ZNF333: variants seen among roughly 807,000 people sequenced by gnomAD.
The protein encoded by ZNF333 is zinc finger protein 333.
In ZNF333, 61 loss-of-function variants were observed where a neutral mutation model predicts 76.1. That is an observed-to-expected ratio of 0.80 (90% CI 0.65 to 0.99). ZNF333 has a LOEUF of 0.99. Among genes scored for constraint, ZNF333 ranks in the 50% least tolerant of loss-of-function variants. The pLI, the probability that ZNF333 is intolerant of heterozygous loss-of-function variation, is 0.00. For synonymous variants in ZNF333, 284 were observed against 305.0 expected (o/e 0.93, Z 0.72); for missense variants, 717 against 822.4 (o/e 0.87, Z 1.57).
At chr19:14,716,531 T>C (rs2042435924) in intron 9 of ZNF333, among the ~76,000 whole-genome samples, 1 of 152,188 alleles carries the variant, frequency 6.6e-6, no homozygotes, top group African/African-American at 2.4e-5. Flanking sequence ...TGTGCTGGGA[T>C]TGCAGACATG....
Position 14,720,226 on chromosome 19 carries a change from C to T in ZNF333, c.*901C>T. On this transcript the variant is annotated 3_prime_UTR_variant, in exon 12 of 12. Transcript: ENST00000292530. The stretch of plus-strand genomic sequence containing the variant: ...AAAAAAAAGCTTCCATCTCCCAGCC[C>T]TTCTTGCAAGCAAGGGCAGGCCATT... 1 of 985,316 alleles carries T rather than the reference C, an allele frequency of 1.0e-6. No homozygotes were observed. The highest frequency in any genetic ancestry group is 1.2e-6 in the Non-Finnish European group (1 of 829,904). The allele number at this position is 985,316 out of a possible 1,614,324, so 61.0% of individuals were successfully genotyped here.
chr19:14,711,264 AG>A (rs995289032), intron 7 of ZNF333, among the ~76,000 whole-genome samples: 3 of 152,154 alleles, frequency 2.0e-5, no homozygotes, highest in Admixed American at 1.3e-4. Context: ...CTTACCAGTT[AG>A]GGGGGCGGGA....
rs866787364 is a variant in ZNF333, at chr19:14,715,450, C to T, written c.580C>T (p.Leu194=). ...GGAGGAAGAAGCTATGGCTCCTGGG[C>T]TGCCAACCGCCTGTTCACAGGTAGG... ...KVEEEAMAPG[L]PTACSQEPVT... is the part of the protein sequence containing the mutation. The change falls in exon 8 of 12, where the codon CTG becomes TTG. Residue 194 remains leucine (L), a synonymous_variant. Coordinates refer to ENST00000292530, the MANE Select transcript of ZNF333 (RefSeq NM_032433.4). The T allele has an allele frequency of 6.2e-7, 1 of 1,613,868 alleles. No individual in the cohort carries two copies. Among genetic ancestry groups the T allele is most frequent in the Admixed American group, 1.7e-5 (1 of 59,986 alleles).
intron 5 of ZNF333, among the ~76,000 whole-genome samples, chr19:14,700,710 G>A (rs1159339968): frequency 6.6e-6 from 1 of 152,150 alleles, no homozygotes; most frequent in Non-Finnish European, 1.5e-5. Flanking sequence ...GTTAGAGTTA[G>A]GGTTTGGTTA....
chr19:14,699,185 C>T lies in ZNF333; in HGVS notation c.224-14C>T, dbSNP rs752702715. The T allele has an allele frequency of 1.2e-6, 2 of 1,608,414 alleles. No homozygotes were observed. Among genetic ancestry groups the T allele is most frequent in the Non-Finnish European group, 1.7e-6 (2 of 1,175,922 alleles). On this transcript the variant is annotated splice_polypyrimidine_tract_variant and intron_variant, in intron 4 of 11. Transcript: ENST00000292530. ...TTTCTGAAAGGAGTTCATTTTTTCT[C>T]CCATTCATTTCAGCCTGGGAATCTC...
chr19:14,696,431 G>A (rs1176070137), intron 4 of ZNF333, among the ~76,000 whole-genome samples: 2 of 152,108 alleles, frequency 1.3e-5, no homozygotes, highest in African/African-American at 2.4e-5. Flanking sequence ...TATGGAAATC[G>A]TATCATAAGT....
Position 14,706,724 on chromosome 19 carries a change from ACCAGT to A in ZNF333, c.463_467del (p.Pro155AlafsTer20). The stretch of plus-strand genomic sequence containing the variant: ...CTATGCAGATTCAGAGGGTGGTGAT[ACCAGT>A]GCCTACTCTGGGCCACCGCAACCCA... On this transcript the variant is annotated frameshift_variant, in exon 7 of 12. Coordinates refer to ENST00000292530, the MANE Select transcript of ZNF333 (RefSeq NM_032433.4). LOFTEE classifies it high-confidence loss of function. 1 of 1,613,986 alleles carries A rather than the reference ACCAGT, an allele frequency of 6.2e-7. No homozygotes were observed. The highest frequency in any genetic ancestry group is 8.5e-7 in the Non-Finnish European group (1 of 1,179,974).
intron 2 of ZNF333, among the ~76,000 whole-genome samples, chr19:14,694,650 T>G (rs752894741): frequency 1.1e-4 from 17 of 152,186 alleles, no homozygotes; most frequent in Non-Finnish European, 1.8e-4. Flanking sequence ...AAAAACTCTC[T>G]AAGCAGGGAG....
chr19:14,731,470 A>G, exon 12 of ZNF333: 1 of 461,822 alleles, frequency 2.2e-6, no homozygotes, highest in Non-Finnish European at 3.9e-6. Context: ...CAGCCGTGCA[A>G]TGACTGTTAG....
At chr19:14,705,843 A>G (rs577231513) in intron 6 of ZNF333, among the ~76,000 whole-genome samples, 1 of 152,292 alleles carries the variant, frequency 6.6e-6, no homozygotes, top group African/African-American at 2.4e-5. Context: ...GAACAGTTTC[A>G]TGCTAAAACC....
At chr19:14,701,756 T>A (rs1599708721) in intron 5 of ZNF333, 1 of 985,400 alleles carries the variant, frequency 1.0e-6, no homozygotes, top group African/African-American at 1.7e-5. Context: ...GTGGCAGGCA[T>A]GGGGCTCTTG....
chr19:14,706,757 G>A lies in ZNF333; in HGVS notation c.495G>A (p.Trp165Ter), dbSNP rs781244379. 6.2e-7 allele frequency: 1 copy of A among 1,613,652 alleles called. No individual in the cohort carries two copies. Among genetic ancestry groups the A allele is most frequent in the South Asian group, 1.1e-5 (1 of 91,020 alleles). Residue 165 changes from tryptophan to a stop codon, truncating the protein, a stop_gained, in exon 7 of 12, where the codon TGG becomes TGA. Coordinates refer to ENST00000292530, the MANE Select transcript of ZNF333 (RefSeq NM_032433.4). LOFTEE classifies it high-confidence loss of function. ...CTACTCTGGGCCACCGCAACCCATG[G>A]GTGGCCAGGGATTCTGGTGAGTGAG... ...PVPTLGHRNP[W>*]VARDSAVPAR...
At chr19:14,711,410 C>T (rs183111793) in intron 7 of ZNF333, among the ~76,000 whole-genome samples, 28 of 152,260 alleles carry the variant, frequency 1.8e-4, no homozygotes, top group African/African-American at 6.7e-4. Flanking sequence ...ATTTAAAACA[C>T]ATAGAGGCCA....
chr19:14,718,424 A>G lies in ZNF333; in HGVS notation c.1097A>G (p.Tyr366Cys), dbSNP rs376718643. ...PEKIRSGDKS[Y>C]ACNKCEKSFR... ...AAAATCCGTAGTGGGGATAAATCCT[A>G]TGCATGTAACAAATGTGAAAAATCC... The change falls in exon 12 of 12, where the codon TAT becomes TGT. Residue 366 changes from tyrosine to cysteine, a missense_variant. Physicochemically the swap from Tyr to Cys is radical, Grantham distance 194. Transcript: ENST00000292530. The G allele has an allele frequency of 8.7e-6, 14 of 1,614,080 alleles. No homozygotes were observed. Among genetic ancestry groups the G allele is most frequent in the Non-Finnish European group, 1.0e-5 (12 of 1,180,040 alleles).
chr19:14,697,165 C>G lies in ZNF333; in HGVS notation c.223+1504C>G, dbSNP rs537294724. 1.1e-4 allele frequency among the ~76,000 whole-genome samples: 16 copies of G among 152,260 alleles called. No homozygotes were observed. In the East Asian group the frequency reaches 2.9e-3, roughly 27 times the overall value. On this transcript the variant is annotated intron_variant, in intron 4 of 11. Transcript: ENST00000292530. ...TTCTTTCACTTAGCTTTATGTTTTC[C>G]AGATCCATCCATGTTGTAGCATGAA...
At chr19:14,695,766 C>G (rs764727098) in intron 4 of ZNF333, 105 bp downstream of exon 4, 8 of 924,662 alleles carry the variant, frequency 8.7e-6, no homozygotes, top group Non-Finnish European at 1.4e-5. Context: ...GAGGGGACAT[C>G]GAAGGCCATT....
At chr19:14,691,083 AC>A (rs1430791472) in intron 1 of ZNF333, among the ~76,000 whole-genome samples, 1 of 152,094 alleles carries the variant, frequency 6.6e-6, no homozygotes. Flanking sequence ...ACAGAGCAAG[AC>A]TCCATCTCAA....
chr19:14,699,032 A>G (rs1386043623), intron 4 of ZNF333, among the ~76,000 whole-genome samples, 167 bp from the exon 5 acceptor site: 1 of 151,266 alleles, frequency 6.6e-6, no homozygotes, highest in South Asian at 2.1e-4. Flanking sequence ...CAACTTGAAT[A>G]TATGTATTCG....
intron 6 of ZNF333, 78 bp from the exon 7 acceptor site, chr19:14,706,608 G>A (rs1235064360): frequency 1.8e-5 from 19 of 1,083,036 alleles, no homozygotes; most frequent in South Asian, 1.5e-4. Flanking sequence ...AAATATGCAC[G>A]TTCATTTGGG....
Sources: allele counts gnomAD v4.1 joint callset (sites outside exome capture counted in the v4.1 genomes callset), GRCh38; gene constraint gnomAD v4.1.1; transcripts MANE v1.5; gene names NCBI Gene and HGNC (gene_info 2026-07-23, HGNC 2026-07-21).